MAST4: variants seen among roughly 807,000 people sequenced by gnomAD.
MAST4 encodes the protein microtubule associated serine/threonine kinase family member 4.
In MAST4, 89 loss-of-function variants were observed where a neutral mutation model predicts 162.7. That is an observed-to-expected ratio of 0.55 (90% CI 0.46 to 0.65). The LOEUF is 0.65. Among genes scored for constraint, MAST4 ranks in the 30% least tolerant of loss-of-function variants. The pLI, the probability that MAST4 is intolerant of heterozygous loss-of-function variation, is 0.00. For synonymous variants in MAST4, 1,479 were observed against 1,361.1 expected (o/e 1.09, Z -1.91); for missense variants, 3,153 against 3,374.0 (o/e 0.93, Z 1.62).
chr5:66,866,673 G>A (rs1016602), intron 3 of MAST4, among the ~76,000 whole-genome samples: 1 of 152,342 alleles, frequency 6.6e-6, no homozygotes, highest in Admixed American at 6.5e-5. Context: ...AACTATCTCA[G>A]AGGTGAGTAG....
At chr5:67,006,566 G>C (rs184106587) in intron 4 of MAST4, among the ~76,000 whole-genome samples, 1 of 152,158 alleles carries the variant, frequency 6.6e-6, no homozygotes, top group African/African-American at 2.4e-5. Flanking sequence ...TCCTGGCTGC[G>C]GTACAGCCTC....
At chr5:67,071,676 C>T (rs1482208559) in intron 5 of MAST4, among the ~76,000 whole-genome samples, 1 of 152,196 alleles carries the variant, frequency 6.6e-6, no homozygotes, top group Non-Finnish European at 1.5e-5. Context: ...AGGAGAATTG[C>T]TTGAACACGG....
chr5:66,864,486 G>T (rs79976439), intron 3 of MAST4, among the ~76,000 whole-genome samples: 2 of 152,076 alleles, frequency 1.3e-5, no homozygotes, highest in African/African-American at 4.8e-5. Flanking sequence ...GGCAGGGGAG[G>T]TATGGGAGGA....
intron 3 of MAST4, among the ~76,000 whole-genome samples, chr5:66,827,160 C>A (rs916446508): frequency 1.3e-5 from 2 of 152,104 alleles, no homozygotes; most frequent in Non-Finnish European, 2.9e-5. Flanking sequence ...AAACAAAAAA[C>A]GTAGTTTTAA....
intron 3 of MAST4, among the ~76,000 whole-genome samples, chr5:66,840,343 G>T (rs577241798): frequency 6.6e-6 from 1 of 152,150 alleles, no homozygotes; most frequent in East Asian, 1.9e-4. Flanking sequence ...TGAAGGTAAA[G>T]ATTGAATTAT....
At chr5:67,061,136 A>G (rs899225050) in intron 5 of MAST4, among the ~76,000 whole-genome samples, 1 of 149,514 alleles carries the variant, frequency 6.7e-6, no homozygotes. Flanking sequence ...TGTATTCTTC[A>G]GTCTTTTTTC....
chr5:66,606,850 CT>C (rs1301096584), intron 1 of MAST4, among the ~76,000 whole-genome samples: 5 of 148,572 alleles, frequency 3.4e-5, no homozygotes, highest in African/African-American at 1.3e-4. Context: ...AGTGAATTTG[CT>C]CATTTAAATT....
intron 1 of MAST4, among the ~76,000 whole-genome samples, chr5:66,706,000 G>A (rs372024942): frequency 2.0e-5 from 3 of 152,258 alleles, no homozygotes; most frequent in African/African-American, 7.2e-5. Context: ...AACAGTGCTG[G>A]ATTCTAAGCC....
At chr5:66,993,398 A>G (rs1478929691) in intron 4 of MAST4, among the ~76,000 whole-genome samples, 2 of 152,218 alleles carry the variant, frequency 1.3e-5, no homozygotes, top group Non-Finnish European at 2.9e-5. Context: ...CGGTCCTTGT[A>G]CTTGGAGAGC....
intron 1 of MAST4, among the ~76,000 whole-genome samples, chr5:66,733,120 C>A (rs927147859): frequency 1.3e-5 from 2 of 152,144 alleles, no homozygotes; most frequent in Admixed American, 1.3e-4. Flanking sequence ...AAATCTGTCC[C>A]AACCTTTGCT....
chr5:67,056,566 A>G (rs1434951974), intron 5 of MAST4, among the ~76,000 whole-genome samples: 1 of 152,192 alleles, frequency 6.6e-6, no homozygotes, highest in Non-Finnish European at 1.5e-5. Flanking sequence ...CGTGGTGAAG[A>G]CTTTAATGAT....
chr5:67,011,059 A>G (rs904488254), intron 4 of MAST4, among the ~76,000 whole-genome samples: 17 of 152,112 alleles, frequency 1.1e-4, no homozygotes, highest in African/African-American at 4.1e-4. Context: ...ATTGGCAATG[A>G]CAGTTTCCTT....
chr5:66,975,481 T>C (rs1748023643), intron 4 of MAST4, among the ~76,000 whole-genome samples: 1 of 152,118 alleles, frequency 6.6e-6, no homozygotes, highest in South Asian at 2.1e-4. Context: ...CCAGTGCGCC[T>C]TTCACTGTGG....
rs184751003 is a variant in MAST4 at position 66,876,898 on chromosome 5, G to A, written c.643-23053G>A. Among the ~76,000 whole-genome samples, 144 of 152,322 alleles carry A rather than the reference G, an allele frequency of 9.5e-4. 1 individual carries two copies. Among genetic ancestry groups the A allele is most frequent in the African/African-American group, 3.4e-3 (140 of 41,574 alleles). On this transcript the variant is annotated intron_variant, in intron 3 of 28. Transcript: ENST00000403625. ...GCCCGAAGGAACACACAGCAATGTG[G>A]ATAGAGCTTAAAACATATCACTGTG... is the stretch of plus-strand genomic sequence containing the variant.
chr5:66,652,571 TTATC>T (rs1211275820), intron 1 of MAST4, among the ~76,000 whole-genome samples: 2 of 152,214 alleles, frequency 1.3e-5, no homozygotes, highest in Non-Finnish European at 2.9e-5. Context: ...AAAAAACAAT[TTATC>T]TATCTACCTA....
chr5:67,134,414 T>C lies in MAST4; in HGVS notation c.2227-109T>C, dbSNP rs74512386. On this transcript the variant is annotated intron_variant, in intron 17 of 28. Coordinates refer to ENST00000403625, the MANE Select transcript of MAST4 (RefSeq NM_001164664.2). ...TAAGTTCTTTGTCCATGTGGTTCCATGTGGTTGAGCAGGTGCATTCTGGGC... is the reference window on the plus strand; with the variant it reads ...TAAGTTCTTTGTCCATGTGGTTCCACGTGGTTGAGCAGGTGCATTCTGGGC... 3.4e-3 allele frequency: 2,830 copies of C among 829,500 alleles called. 48 individuals are homozygous for C. The African/African-American group carries it at 0.038, about 11-fold the overall frequency. The allele number at this position is 829,500 out of a possible 1,614,324, so 51.4% of individuals were successfully genotyped here.
At chr5:66,844,628 A>T (rs1047305788) in intron 3 of MAST4, among the ~76,000 whole-genome samples, 1 of 152,150 alleles carries the variant, frequency 6.6e-6, no homozygotes, top group African/African-American at 2.4e-5. Context: ...CCGGGAGCTT[A>T]TGGCCAGAAG....
rs200760212 is a variant in MAST4 at position 66,596,617 on chromosome 5, C to A, written c.-39C>A. 1,665 of 1,395,570 alleles carry A rather than the reference C, an allele frequency of 1.2e-3. 1 individual carries two copies. The highest frequency in any genetic ancestry group is 1.5e-3 in the Non-Finnish European group (1,573 of 1,077,936). The allele number at this position is 1,395,570 out of a possible 1,614,324, so 86.4% of individuals were successfully genotyped here. ...CGGGAGGCGCTGAGTGCGCGCCGCGCCCCCGCCGCTCGGGAGGCACTTTGG... is the reference window on the plus strand; with the variant it reads ...CGGGAGGCGCTGAGTGCGCGCCGCGACCCCGCCGCTCGGGAGGCACTTTGG... On this transcript the variant is annotated 5_prime_UTR_variant, in exon 1 of 29. Coordinates refer to ENST00000403625, the MANE Select transcript of MAST4 (RefSeq NM_001164664.2).
intron 4 of MAST4, among the ~76,000 whole-genome samples, chr5:67,021,637 T>C (rs1043688145): frequency 2.0e-5 from 3 of 152,184 alleles, no homozygotes; most frequent in African/African-American, 7.2e-5. Context: ...ATTCACAGTT[T>C]CTTAGCAGTT....
Sources: gnomAD v4.1 joint callset for allele counts (sites outside exome capture counted in the v4.1 genomes callset) on GRCh38, gnomAD v4.1.1 for gene constraint, MANE v1.5 for transcripts, NCBI Gene and HGNC (gene_info 2026-07-23, HGNC 2026-07-21) for gene names.